The following MICA variants were observed in gnomAD, a reference collection of about 807,000 sequenced individuals.
The protein encoded by MICA is MHC class I polypeptide-related sequence A, also known as HLA class I antigen.
A neutral mutation model predicts 34.3 loss-of-function variants in MICA; 18 were observed. That is an observed-to-expected ratio of 0.52 (90% CI 0.36 to 0.78). The LOEUF (loss-of-function observed/expected upper bound fraction) is 0.78, where lower values mean the gene tolerates loss of function less well. Ranked by LOEUF, MICA falls within the 30% of genes least tolerant of loss-of-function variation. The pLI is 0.00. For missense variants in MICA, 333 were observed against 409.4 expected (o/e 0.81, Z 1.61); for synonymous variants, 135 against 156.9 (o/e 0.86, Z 1.04).
chr6:31,407,403 A>G lies in MICA; in HGVS notation c.71-3140A>G, dbSNP rs114596560. On this transcript the variant is annotated intron_variant, in intron 1 of 5. Coordinates refer to ENST00000449934, the MANE Select transcript of MICA (RefSeq NM_001177519.3). ...AGGCATGTGCCACTGTGCCTGGCTA[A>G]TTTTCTATTTTTATTAGAGATGGGG... 2.9e-3 allele frequency among the ~76,000 whole-genome samples: 432 copies of G among 151,520 alleles called. 13 individuals carry two copies. In the East Asian group the frequency reaches 0.051, roughly 18 times the overall value.
rs1231572329 is a variant in MICA, at chr6:31,411,387, C to T, written c.613+28C>T. ...ACCGACGCTGGCCAGGGGCTCTCCT[C>T]TCCCTCCAATTCTGCTAGAGTTGCC... On this transcript the variant is annotated intron_variant, in intron 3 of 5. Transcript: ENST00000449934. The surrounding 1 kb of genome is among the most constrained non-coding windows in gnomAD (Gnocchi z 4.3). 2 of 1,533,740 alleles carry T rather than the reference C, an allele frequency of 1.3e-6. No individual in the cohort carries two copies. The highest frequency in any genetic ancestry group is 1.8e-6 in the Non-Finnish European group (2 of 1,138,048).
chr6:31,413,910 C>T lies in MICA; in HGVS notation c.*30-1102C>T, dbSNP rs560452965. 2.6e-4 allele frequency among the ~76,000 whole-genome samples: 39 copies of T among 152,102 alleles called. 4 individuals are homozygous for T. The South Asian group carries it at 6.0e-3, about 23-fold the overall frequency. ...AATGTTGATGTCCAGTAAAGATATT[C>T]GTAATTTCAGCTCTATAATCTTAAT... On this transcript the variant is annotated intron_variant, in intron 5 of 5. Coordinates refer to ENST00000449934, the MANE Select transcript of MICA (RefSeq NM_001177519.3).
In MICA at chr6:31,415,022, C is replaced by A. The variant is rs62395265; in HGVS notation, c.*40C>A. 34 of 1,476,890 alleles carry A rather than the reference C, an allele frequency of 2.3e-5. No individual in the cohort carries two copies. The highest frequency in any genetic ancestry group is 3.1e-5 in the Non-Finnish European group (33 of 1,064,790). The allele number at this position is 1,476,890 out of a possible 1,614,324, so 91.5% of individuals were successfully genotyped here. On this transcript the variant is annotated 3_prime_UTR_variant, in exon 6 of 6. Coordinates refer to ENST00000449934, the MANE Select transcript of MICA (RefSeq NM_001177519.3). ...CCCTCTTTTCTCCAGAGCTCGTGAG[C>A]CTGCAGGTCCTGGATCAACACCCAG...
At position 31,410,851 on chromosome 6, in the gene MICA, G is replaced by C; in HGVS notation, c.325+54G>C. The C allele has an allele frequency of 1.3e-6, 2 of 1,526,280 alleles. 1 individual carries two copies. Among genetic ancestry groups the C allele is most frequent in the Non-Finnish European group, 1.8e-6 (2 of 1,134,616 alleles). The allele number at this position is 1,526,280 out of a possible 1,614,324, so 94.5% of individuals were successfully genotyped here. On this transcript the variant is annotated intron_variant, in intron 2 of 5. Coordinates refer to ENST00000449934, the MANE Select transcript of MICA (RefSeq NM_001177519.3). ...GGAGAGGCCTTTTCCAGAAAAGTTA[G>C]GGGCAGAGAGCAGGGACCTGTCTCT...
chr6:31,412,591 TGGGAAGG>T, intron 5 of MICA, 131 bp downstream of exon 5: 1 of 664,244 alleles, frequency 1.5e-6, no homozygotes, highest in South Asian at 2.0e-5. Flanking sequence ...TTGGGGAATT[TGGGAAGG>T]GAATGGGGGC....
chr6:31,408,845 A>T (rs1489796160), intron 1 of MICA, among the ~76,000 whole-genome samples: 1 of 151,694 alleles, frequency 6.6e-6, no homozygotes, highest in Non-Finnish European at 1.5e-5. Context: ...CTCTACTAAA[A>T]ATAATAAAAG....
chr6:31,405,647 A>G (rs1307868112), intron 1 of MICA, among the ~76,000 whole-genome samples: 6 of 151,598 alleles, frequency 4.0e-5, no homozygotes, highest in African/African-American at 1.5e-4. Flanking sequence ...TGTGCTATCT[A>G]CTAGATCTTA....
chr6:31,404,190 C>T lies in MICA; in HGVS notation c.70+488C>T, dbSNP rs1170438233. Among the ~76,000 whole-genome samples the T allele has an allele frequency of 3.3e-5, 5 of 151,808 alleles. No individual in the cohort carries two copies. The South Asian group carries it at 1.0e-3, about 32-fold the overall frequency. On this transcript the variant is annotated intron_variant, in intron 1 of 5. Transcript: ENST00000449934. Reference sequence around the variant, plus strand: ...TCCTGGAGTAGGGGCCCTCCTTTCTCGGGACCCGGAGCTGGTGCTTCCTGC... The same window carrying T: ...TCCTGGAGTAGGGGCCCTCCTTTCTTGGGACCCGGAGCTGGTGCTTCCTGC...
rs1771076581 is a variant in MICA, at chr6:31,410,718, G to C, written c.246G>C (p.Trp82Cys). 6.2e-7 allele frequency: 1 copy of C among 1,610,346 alleles called. No individual in the cohort carries two copies. The highest frequency in any genetic ancestry group is 8.5e-7 in the Non-Finnish European group (1 of 1,178,712). Residue 82 changes from tryptophan to cysteine, a missense_variant, in exon 2 of 6, where the codon TGG becomes TGC. By Grantham distance (215) the Trp-to-Cys change is radical. Transcript: ENST00000449934. ...AAGATGTCCTGGGAAATAAGACATG[G>C]GACAGAGAGACCAGGGACTTGACAG... The part of the protein sequence containing the change: ...WAEDVLGNKT[W>C]DRETRDLTGN...
Position 31,411,252 on chromosome 6 carries a change from T to G in MICA, c.506T>G (p.Leu169Trp), listed in dbSNP as rs767167060. Residue 169 changes from leucine to tryptophan, a missense_variant, in exon 3 of 6, where the codon TTG (leucine) becomes TGG (tryptophan). Transcript: ENST00000449934. This position sits in a 1 kb window ranked among gnomAD's most constrained non-coding sequence, Gnocchi z 4.3. ...QTLAMNVRNF[L>W]KEDAMKTKTH... ...TTGGCCATGAACGTCAGGAATTTCT[T>G]GAAGGAAGATGCCATGAAGACCAAG... The G allele has an allele frequency of 1.2e-6, 2 of 1,612,698 alleles. No individual in the cohort carries two copies. The highest frequency in any genetic ancestry group is 1.7e-6 in the Non-Finnish European group (2 of 1,179,786).
At chr6:31,403,006 AT>A (rs1770523872), upstream of MICA, among the ~76,000 whole-genome samples, 1 of 151,682 alleles carries the variant, frequency 6.6e-6, no homozygotes, top group Non-Finnish European at 1.5e-5. This position sits in a 1 kb window ranked among gnomAD's most constrained non-coding sequence, Gnocchi z 4.7. Context: ...GGAGAAGGAG[AT>A]TATAAAGCTG....
In MICA at chr6:31,412,398, T is replaced by C. The variant is rs1276471151; in HGVS notation, c.966T>C (p.Phe322=). ...VSAVAAGCCY[F]CYYYFLCPLL ...CTGTTGCTGCTGGCTGCTGCTATTT[T>C]TGTTATTATTATTTTCTATGTCCGT... Residue 322 remains phenylalanine, a synonymous_variant, in exon 5 of 6, where the codon TTT becomes TTC. Transcript: ENST00000449934. 3 of 1,560,576 alleles carry C rather than the reference T, an allele frequency of 1.9e-6. No homozygotes were observed. Among genetic ancestry groups the C allele is most frequent in the East Asian group, 2.3e-5 (1 of 42,554 alleles).
upstream of MICA, among the ~76,000 whole-genome samples, chr6:31,403,290 T>C (rs1770544152): frequency 6.6e-6 from 1 of 151,488 alleles, no homozygotes; most frequent in Non-Finnish European, 1.5e-5. The surrounding 1 kb of genome is among the most constrained non-coding windows in gnomAD (Gnocchi z 4.7). Flanking sequence ...CGGGGATGGG[T>C]GGTCGCGATG....
At chr6:31,404,942 T>A (rs539322161) in intron 1 of MICA, among the ~76,000 whole-genome samples, 1 of 151,510 alleles carries the variant, frequency 6.6e-6, no homozygotes, top group Middle Eastern at 3.2e-3. Context: ...GCTGCTCCTG[T>A]CTCTTGCCCA....
upstream of MICA, among the ~76,000 whole-genome samples, chr6:31,401,633 C>G (rs1461299420): frequency 6.9e-6 from 1 of 145,906 alleles, no homozygotes; most frequent in African/African-American, 2.6e-5. Flanking sequence ...TGCATTCCAA[C>G]TGAGTGACAC....
chr6:31,411,975 C>T lies in MICA; in HGVS notation c.642C>T (p.Ser214=), dbSNP rs17206680. ...CCCCCATGGTGAATGTCACCCGCAG[C>T]GAGGCCTCAGAGGGCAACATCACCG... ...TVPPMVNVTR[S]EASEGNITVT... The change falls in exon 4 of 6, where the codon AGC becomes AGT. Residue 214 remains serine, a synonymous_variant. Transcript: ENST00000449934. This position sits in a 1 kb window ranked among gnomAD's most constrained non-coding sequence, Gnocchi z 4.3. 0.043 allele frequency: 69,388 copies of T among 1,612,128 alleles called. 1,790 individuals carry two copies. The highest frequency in any genetic ancestry group is 0.047 in the Non-Finnish European group (55,224 of 1,179,000).
At chr6:31,406,275 AG>A (rs1165818696) in intron 1 of MICA, among the ~76,000 whole-genome samples, 2 of 151,640 alleles carry the variant, frequency 1.3e-5, no homozygotes, top group Non-Finnish European at 2.9e-5. Flanking sequence ...GTTATCTCGT[AG>A]GAGTTTTGAT....
upstream of MICA, among the ~76,000 whole-genome samples, chr6:31,403,234 C>T (rs36222683): frequency 2.9e-3 from 439 of 151,840 alleles, 16 homozygotes; most frequent in East Asian, 0.052. The surrounding 1 kb of genome is among the most constrained non-coding windows in gnomAD (Gnocchi z 4.7). Flanking sequence ...ATGGGGCGGC[C>T]GGCGAAAGGG....
At chr6:31,409,517 C>CATGGCTACT (rs1447053311) in intron 1 of MICA, among the ~76,000 whole-genome samples, 1 of 151,770 alleles carries the variant, frequency 6.6e-6, no homozygotes, top group Admixed American at 6.6e-5. Flanking sequence ...CATAGCTTCT[C>CATGGCTACT]TTATCAGATA....
Sources: allele counts gnomAD v4.1 joint callset (sites outside exome capture counted in the v4.1 genomes callset), GRCh38; gene constraint gnomAD v4.1.1; non-coding constraint Gnocchi (gnomAD v3.1); transcripts MANE v1.5; gene names NCBI Gene and HGNC (gene_info 2026-07-23, HGNC 2026-07-21).